Variants in CAMK4 observed in about 807,000 individuals in gnomAD.
CAMK4 encodes calcium/calmodulin-dependent protein kinase type IV.
Under a neutral mutation model 44.9 loss-of-function variants are expected in CAMK4, and 22 were observed. The ratio of observed to expected loss-of-function variants is 0.49; its 90% CI spans 0.35 to 0.70. The LOEUF (loss-of-function observed/expected upper bound fraction) is 0.70. Among genes scored for constraint, CAMK4 ranks in the 30% least tolerant of loss-of-function variants. The pLI is 0.01. For synonymous variants in CAMK4, 218 were observed against 215.4 expected, an observed-to-expected ratio of 1.01 and a Z score of -0.11; for missense variants, 498 against 586.8, an observed-to-expected ratio of 0.85 and a Z score of 1.56.
chr5:111,332,399 G>T (rs1015545905), intron 1 of CAMK4, among the ~76,000 whole-genome samples: 2 of 151,342 alleles, frequency 1.3e-5, no homozygotes, highest in Non-Finnish European at 3.0e-5. Context: ...TCCCTGCAAA[G>T]GACATGAACT....
chr5:111,298,942 C>T (rs1441951919), intron 1 of CAMK4, among the ~76,000 whole-genome samples: 1 of 152,244 alleles, frequency 6.6e-6, no homozygotes, highest in African/African-American at 2.4e-5. Flanking sequence ...TTGACGACCA[C>T]CTGCAGAGAT....
At chr5:111,479,036 C>A (rs889528250) in intron 9 of CAMK4, among the ~76,000 whole-genome samples, 6 of 152,126 alleles carry the variant, frequency 3.9e-5, no homozygotes, top group Non-Finnish European at 7.3e-5. Flanking sequence ...GCCACCACAC[C>A]CAGCTAATTT....
intron 8 of CAMK4, among the ~76,000 whole-genome samples, chr5:111,475,305 T>C (rs1755199016): frequency 6.6e-6 from 1 of 152,084 alleles, no homozygotes; most frequent in Non-Finnish European, 1.5e-5. Flanking sequence ...GTACCAACAA[T>C]TGGTAGGTAC....
intron 8 of CAMK4, among the ~76,000 whole-genome samples, chr5:111,477,620 T>C (rs560092786): frequency 6.6e-6 from 1 of 152,330 alleles, no homozygotes; most frequent in East Asian, 1.9e-4. Flanking sequence ...CCAAGATAGT[T>C]CTCCGTCCCT....
chr5:111,433,635 G>C (rs776438476), intron 5 of CAMK4, among the ~76,000 whole-genome samples: 1 of 152,212 alleles, frequency 6.6e-6, no homozygotes, highest in African/African-American at 2.4e-5. Flanking sequence ...TTCTGGAGGA[G>C]CATGTGGGAT....
At chr5:111,422,570 G>A (rs1433130536) in intron 5 of CAMK4, among the ~76,000 whole-genome samples, 2 of 152,188 alleles carry the variant, frequency 1.3e-5, no homozygotes, top group Non-Finnish European at 2.9e-5. Flanking sequence ...AAGCAGTCTT[G>A]TGGGATTTTG....
intron 1 of CAMK4, among the ~76,000 whole-genome samples, chr5:111,250,566 C>T (rs1172595541): frequency 6.6e-6 from 1 of 152,178 alleles, no homozygotes; most frequent in East Asian, 1.9e-4. Context: ...CTCCACTTCC[C>T]AGTATACTGT....
chr5:111,464,377 G>A (rs1754750606), intron 7 of CAMK4, among the ~76,000 whole-genome samples: 2 of 152,096 alleles, frequency 1.3e-5, no homozygotes, highest in Admixed American at 1.3e-4. Flanking sequence ...ATGTTTCTAA[G>A]GAAGAAGAAA....
chr5:111,364,633 G>A lies in CAMK4; in HGVS notation c.241-10217G>A, dbSNP rs546583802. Reference sequence around the variant, plus strand: ...TTCTGAAATAGAAGTGTCTTTCTGGGTTAAGCTTCCCAGAGGCACTCTTGT... The same window carrying A: ...TTCTGAAATAGAAGTGTCTTTCTGGATTAAGCTTCCCAGAGGCACTCTTGT... On this transcript the variant is annotated intron_variant, in intron 2 of 10. Transcript: ENST00000282356. Among the ~76,000 whole-genome samples the A allele has an allele frequency of 3.6e-4, 55 of 152,136 alleles. No homozygotes were observed. The Middle Eastern group carries it at 0.014, about 38-fold the overall frequency.
At chr5:111,432,684 A>G (rs1753501405) in intron 5 of CAMK4, among the ~76,000 whole-genome samples, 1 of 147,234 alleles carries the variant, frequency 6.8e-6, no homozygotes. Context: ...ATATATATAC[A>G]TTTATGTATT....
chr5:111,287,453 A>G (rs1751284103), intron 1 of CAMK4, among the ~76,000 whole-genome samples: 1 of 152,254 alleles, frequency 6.6e-6, no homozygotes, highest in South Asian at 2.1e-4. Flanking sequence ...GAAATCTTGA[A>G]AAATTTAGAT....
intron 1 of CAMK4, among the ~76,000 whole-genome samples, chr5:111,265,027 C>G (rs1009429112): frequency 6.6e-6 from 1 of 152,048 alleles, no homozygotes; most frequent in Non-Finnish European, 1.5e-5. Context: ...CCCTCTATCA[C>G]CACCTTCCAG....
intron 7 of CAMK4, among the ~76,000 whole-genome samples, chr5:111,464,685 G>A (rs1215269526): frequency 3.3e-5 from 5 of 152,192 alleles, no homozygotes; most frequent in Non-Finnish European, 7.3e-5. Flanking sequence ...AAGAGAACAC[G>A]AGAAGTCAAG....
At chr5:111,289,209 G>C (rs745528286) in intron 1 of CAMK4, among the ~76,000 whole-genome samples, 18 of 152,292 alleles carry the variant, frequency 1.2e-4, no homozygotes, top group Non-Finnish European at 2.1e-4. Flanking sequence ...AGCTGGACAT[G>C]GTGGCGCTCG....
intron 1 of CAMK4, among the ~76,000 whole-genome samples, chr5:111,341,275 C>T (rs1749632086): frequency 6.6e-6 from 1 of 151,150 alleles, no homozygotes. Context: ...CATTGCCTAA[C>T]TAAAGATCAC....
At chr5:111,374,492 C>T (rs986812992) in intron 2 of CAMK4, among the ~76,000 whole-genome samples, 2 of 151,982 alleles carry the variant, frequency 1.3e-5, no homozygotes, top group Non-Finnish European at 2.9e-5. Context: ...ATTGACGGCT[C>T]CACTGGGGTT....
At chr5:111,344,213 C>G (rs1749769556) in intron 2 of CAMK4, 111 bp downstream of exon 2, 1 of 616,728 alleles carries the variant, frequency 1.6e-6, no homozygotes, top group Non-Finnish European at 2.8e-6. Flanking sequence ...GCAAATAACC[C>G]ATTTGACTCT....
chr5:111,332,024 G>A (rs900502623), intron 1 of CAMK4, among the ~76,000 whole-genome samples: 1 of 151,572 alleles, frequency 6.6e-6, no homozygotes, highest in African/African-American at 2.4e-5. Flanking sequence ...GATTTCTGCT[G>A]CTTTTAAATA....
chr5:111,258,577 C>CA (rs1749838836), intron 1 of CAMK4, among the ~76,000 whole-genome samples: 2 of 152,124 alleles, frequency 1.3e-5, no homozygotes, highest in African/African-American at 4.8e-5. Flanking sequence ...GATTCACTAT[C>CA]ATGAGAATAG....
Sources: gnomAD v4.1 joint callset for allele counts (sites outside exome capture counted in the v4.1 genomes callset) on GRCh38, gnomAD v4.1.1 for gene constraint, MANE v1.5 for transcripts, NCBI Gene and HGNC (gene_info 2026-07-23, HGNC 2026-07-21) for gene names.